The following TOR1A variants were observed in gnomAD, a reference collection of about 807,000 sequenced individuals.
TOR1A encodes torsin family 1 member A, also known as torsin-1A.
TOR1A carries 18 observed loss-of-function variants against 31.4 expected under a neutral mutation model. The observed-to-expected ratio is 0.57, with a 90% CI of 0.40 to 0.85. TOR1A has a LOEUF of 0.85. Ranked by LOEUF, TOR1A falls within the 40% of genes least tolerant of loss-of-function variation. The probability of loss-of-function intolerance (pLI) is 0.00; values close to 1 mark genes in which losing one functional copy is unlikely to be tolerated. For missense variants in TOR1A, 375 were observed against 416.4 expected (o/e 0.90, Z 0.87); for synonymous variants, 168 against 165.9 (o/e 1.01, Z -0.10).
chr9:129,814,954 G>T (rs532628058), intron 4 of TOR1A, among the ~76,000 whole-genome samples: 1 of 152,174 alleles, frequency 6.6e-6, no homozygotes, highest in Non-Finnish European at 1.5e-5. Context: ...TGGGCTCCCC[G>T]TGAAGGCCTG....
chr9:129,814,055 A>G lies in TOR1A; in HGVS notation c.916T>C (p.Phe306Leu). 2 of 1,614,174 alleles carry G rather than the reference A, an allele frequency of 1.2e-6. No individual in the cohort carries two copies. The highest frequency in any genetic ancestry group is 1.7e-6 in the Non-Finnish European group (2 of 1,180,028). The change falls in exon 5 of 5, where the codon TTT becomes CTT. Residue 306 changes from phenylalanine (F) to leucine (L), a missense_variant. By Grantham distance (22) the Phe-to-Leu change is conservative. Transcript: ENST00000351698. ...IVSRVAEEMT[F>L]FPKEERVFSD... is the part of the protein sequence containing the mutation. ...AAAACTCTCTCCTCTTTGGGGAAAA[A>G]TGTCATCTCCTCAGCCACTCTGCTT...
At chr9:129,823,193 G>T (rs1211736420) in intron 1 of TOR1A, 1 of 393,066 alleles carries the variant, frequency 2.5e-6, no homozygotes, top group African/African-American at 2.1e-5. Flanking sequence ...GGTCGGCTGC[G>T]GAAGAGTCCT....
At chr9:129,814,332 G>T in intron 4 of TOR1A, 110 bp from the exon 5 acceptor site, 1 of 1,540,324 alleles carries the variant, frequency 6.5e-7, no homozygotes, top group Non-Finnish European at 8.8e-7. Context: ...ACGTCTACTG[G>T]GGGTCACCTA....
rs910721903 is a variant in TOR1A, at chr9:129,822,944, C to T, written c.179-98G>A. On this transcript the variant is annotated intron_variant, in intron 1 of 4. Transcript: ENST00000351698. Reference sequence around the variant, plus strand: ...GAAAGCCAGCAAAGCCGTCTAGACGCCCTCCAAGCACCTTGCGAAACCTCA... The same window carrying T: ...GAAAGCCAGCAAAGCCGTCTAGACGTCCTCCAAGCACCTTGCGAAACCTCA... 12 of 1,563,910 alleles carry T rather than the reference C, an allele frequency of 7.7e-6. No individual in the cohort carries two copies. The African/African-American group carries it at 9.5e-5, about 12-fold the overall frequency.
In TOR1A at chr9:129,824,131, C is replaced by G; in HGVS notation, c.-46G>C. ...GCTTGTTCTCGCGCCGACCGCGAAC[C>G]GGTGCAGCCGCCAGACCCACGCTTC... On this transcript the variant is annotated 5_prime_UTR_variant, in exon 1 of 5. Coordinates refer to ENST00000351698, the MANE Select transcript of TOR1A (RefSeq NM_000113.3). The G allele has an allele frequency of 6.5e-7, 1 of 1,536,044 alleles. No homozygotes were observed. The highest frequency in any genetic ancestry group is 8.7e-7 in the Non-Finnish European group (1 of 1,146,804).
At position 129,813,971 on chromosome 9, in the gene TOR1A, G is replaced by A; in HGVS notation, c.*1C>T. ...GTGACTCCGGCTGCCAATCATGACT[G>A]TCAATCATCGTAGTAATAATCTAAC... On this transcript the variant is annotated 3_prime_UTR_variant, in exon 5 of 5. Coordinates refer to ENST00000351698, the MANE Select transcript of TOR1A (RefSeq NM_000113.3). 1 of 1,613,956 alleles carries A rather than the reference G, an allele frequency of 6.2e-7. No homozygotes were observed. The highest frequency in any genetic ancestry group is 8.5e-7 in the Non-Finnish European group (1 of 1,180,042).
In TOR1A at chr9:129,813,981, G is replaced by T. The variant is rs148849547; in HGVS notation, c.990C>A (p.Tyr330Ter). The T allele has an allele frequency of 6.2e-7, 1 of 1,613,956 alleles. No individual in the cohort carries two copies. Among genetic ancestry groups the T allele is most frequent in the African/African-American group, 1.3e-5 (1 of 74,920 alleles). The change falls in exon 5 of 5, where the codon TAC becomes TAA. Residue 330 changes from tyrosine to a stop codon, truncating the protein, a stop_gained. Coordinates refer to ENST00000351698, the MANE Select transcript of TOR1A (RefSeq NM_000113.3). LOFTEE classifies it high-confidence loss of function. ...KTVFTKLDYY[Y>*]DD ...CTGCCAATCATGACTGTCAATCATCGTAGTAATAATCTAACTTGGTGAACA... is the reference window on the plus strand; with the variant it reads ...CTGCCAATCATGACTGTCAATCATCTTAGTAATAATCTAACTTGGTGAACA...
At chr9:129,815,740 C>T (rs2031019725) in intron 4 of TOR1A, among the ~76,000 whole-genome samples, 1 of 152,252 alleles carries the variant, frequency 6.6e-6, no homozygotes, top group African/African-American at 2.4e-5. Context: ...CTCGCCCGTC[C>T]TTCCTGCTGT....
chr9:129,818,906 CAACTGT>C lies in TOR1A; in HGVS notation c.453_458del (p.Gln152_Leu153del), dbSNP rs1248512170. 6.2e-7 allele frequency: 1 copy of C among 1,613,334 alleles called. No homozygotes were observed. The highest frequency in any genetic ancestry group is 8.5e-7 in the Non-Finnish European group (1 of 1,180,030). ...AGGCACTCACGTTGCCTCGAATCCACAACTGTAACTGATCCTGAATTAAAAGGGGAA... is the reference window on the plus strand; with the variant it reads ...AGGCACTCACGTTGCCTCGAATCCACAACTGATCCTGAATTAAAAGGGGAA... On this transcript the variant is annotated inframe_deletion, in exon 3 of 5. Transcript: ENST00000351698.
rs935116317 is a variant in TOR1A at position 129,813,761 on chromosome 9, C to T, written c.*211G>A. On this transcript the variant is annotated 3_prime_UTR_variant, in exon 5 of 5. Transcript: ENST00000351698. ...CTGGCTCCTTCCTTCTGTGCGTGTT[C>T]GGGAGGCTTCACGTCCTCGCCCGTG... 34 of 664,348 alleles carry T rather than the reference C, an allele frequency of 5.1e-5. No individual in the cohort carries two copies. The highest frequency in any genetic ancestry group is 3.6e-5 in the South Asian group (2 of 55,478). 41.2% of individuals were successfully genotyped at this position (664,348 alleles called of 1,614,324 possible).
At chr9:129,818,192 A>G (rs1212355472) in intron 4 of TOR1A, 1 of 392,548 alleles carries the variant, frequency 2.5e-6, no homozygotes, top group Non-Finnish European at 4.8e-6. Context: ...AATCCCAGCT[A>G]CTCAGGAGGC....
At chr9:129,823,105 C>T (rs2031229736) in intron 1 of TOR1A, among the ~76,000 whole-genome samples, 1 of 152,184 alleles carries the variant, frequency 6.6e-6, no homozygotes, top group Non-Finnish European at 1.5e-5. Flanking sequence ...CCACTGCCAC[C>T]AGTTTGCACC....
chr9:129,815,756 C>T (rs1281552690), intron 4 of TOR1A, among the ~76,000 whole-genome samples: 1 of 152,200 alleles, frequency 6.6e-6, no homozygotes, highest in Non-Finnish European at 1.5e-5. Context: ...GCTGTCCCTT[C>T]CCTTCAATGG....
rs755913452 is a variant in TOR1A at position 129,818,726 on chromosome 9, G to C, written c.620+19C>G. On this transcript the variant is annotated intron_variant, in intron 3 of 4. Coordinates refer to ENST00000351698, the MANE Select transcript of TOR1A (RefSeq NM_000113.3). ...CTTGGGCTCGGGGCCCATCCATCATGTCCTAGCCCTGACCTTACCTGAGAA... is the reference window on the plus strand; with the variant it reads ...CTTGGGCTCGGGGCCCATCCATCATCTCCTAGCCCTGACCTTACCTGAGAA... 6.2e-7 allele frequency: 1 copy of C among 1,613,638 alleles called. No homozygotes were observed. Among genetic ancestry groups the C allele is most frequent in the Non-Finnish European group, 8.5e-7 (1 of 1,180,024 alleles).
In TOR1A at chr9:129,818,477, G is replaced by C. The variant is rs777751136; in HGVS notation, c.748+43C>G. The C allele has an allele frequency of 1.9e-6, 3 of 1,612,438 alleles. No homozygotes were observed. The African/African-American group carries it at 4.0e-5, about 22-fold the overall frequency. Reference sequence around the variant, plus strand: ...GATGCTTTTAACACTTAGGGTGCAGGATTAGGAACCAGATGGGACTGGCGG... The same window carrying C: ...GATGCTTTTAACACTTAGGGTGCAGCATTAGGAACCAGATGGGACTGGCGG... On this transcript the variant is annotated intron_variant, in intron 4 of 4. Transcript: ENST00000351698.
intron 4 of TOR1A, among the ~76,000 whole-genome samples, chr9:129,815,250 T>C (rs548943668): frequency 6.6e-6 from 1 of 152,344 alleles, no homozygotes; most frequent in Admixed American, 6.5e-5. Context: ...ACTCAATAAA[T>C]GTGTGGCTGA....
At position 129,822,441 on chromosome 9, in the gene TOR1A, C is replaced by T. The variant is rs1446216689; in HGVS notation, c.444+140G>A. 2.5e-6 allele frequency: 3 copies of T among 1,208,964 alleles called. No individual in the cohort carries two copies. In the African/African-American group the frequency reaches 4.5e-5, roughly 18 times the overall value. The allele number at this position is 1,208,964 out of a possible 1,614,324, so 74.9% of individuals were successfully genotyped here. On this transcript the variant is annotated intron_variant, in intron 2 of 4. Coordinates refer to ENST00000351698, the MANE Select transcript of TOR1A (RefSeq NM_000113.3). ...ACGCATCTCAAACTCTTAACTTCTACACCTTTCCAAGGGGAACTGAGACAT... is the reference window on the plus strand; with the variant it reads ...ACGCATCTCAAACTCTTAACTTCTATACCTTTCCAAGGGGAACTGAGACAT...
chr9:129,824,112 T>A lies in TOR1A; in HGVS notation c.-27A>T, dbSNP rs776177911. 6.5e-7 allele frequency: 1 copy of A among 1,546,582 alleles called. No homozygotes were observed. The highest frequency in any genetic ancestry group is 1.2e-5 in the South Asian group (1 of 85,024). The stretch of plus-strand genomic sequence containing the variant: ...CCCGGACCCGCGCCACCCTGCTTGT[T>A]CTCGCGCCGACCGCGAACCGGTGCA... On this transcript the variant is annotated 5_prime_UTR_variant, in exon 1 of 5. Coordinates refer to ENST00000351698, the MANE Select transcript of TOR1A (RefSeq NM_000113.3).
intron 2 of TOR1A, among the ~76,000 whole-genome samples, chr9:129,820,634 C>T (rs1483050302): frequency 6.6e-6 from 1 of 152,042 alleles, no homozygotes; most frequent in East Asian, 1.9e-4. Flanking sequence ...GGTCTCACTC[C>T]GTCACCCAGG....
Sources: allele counts gnomAD v4.1 joint callset (sites outside exome capture counted in the v4.1 genomes callset), GRCh38; gene constraint gnomAD v4.1.1; transcripts MANE v1.5; gene names NCBI Gene and HGNC (gene_info 2026-07-23, HGNC 2026-07-21).